Variants in ZNF600 observed in about 807,000 individuals in gnomAD.
ZNF600 encodes zinc finger protein 600.
Under a neutral mutation model 7.3 loss-of-function variants are expected in ZNF600, and 4 were observed. That is an observed-to-expected ratio of 0.55 (90% confidence interval 0.27 to 1.25). The LOEUF (loss-of-function observed/expected upper bound fraction) is 1.25. Among genes scored for constraint, ZNF600 ranks in the 50% most tolerant of loss-of-function variants. The probability of loss-of-function intolerance (pLI) is 0.12; values close to 1 mark genes in which losing one functional copy is unlikely to be tolerated. For synonymous variants in ZNF600, 290 were observed against 308.9 expected, an observed-to-expected ratio of 0.94 and a Z score of 0.64; for missense variants, 911 against 922.1, an observed-to-expected ratio of 0.99 and a Z score of 0.16.
upstream of ZNF600, among the ~76,000 whole-genome samples, chr19:52,788,569 C>G (rs1411325193): frequency 1.3e-5 from 2 of 152,150 alleles, no homozygotes; most frequent in East Asian, 3.9e-4. Context: ...TAAGAAGGTG[C>G]CACAGGAAGA....
chr19:52,808,149 A>G, the ZNF600 span: 2 of 1,611,692 alleles, frequency 1.2e-6, no homozygotes, highest in Non-Finnish European at 1.7e-6. Flanking sequence ...ATGGAAACAC[A>G]TTTTAACCAA....
chr19:52,797,002 A>C, the ZNF600 span, among the ~76,000 whole-genome samples: 288 of 152,320 alleles, frequency 1.9e-3, 4 homozygotes, highest in East Asian at 0.022. Context: ...TTGTACTAGC[A>C]AACTGTATTC....
At chr19:52,819,698 G>A in the ZNF600 span, among the ~76,000 whole-genome samples, 1 of 142,094 alleles carries the variant, frequency 7.0e-6, no homozygotes, top group East Asian at 2.0e-4. Flanking sequence ...CTAATGGGAT[G>A]GACTGGTCTT....
the ZNF600 span, among the ~76,000 whole-genome samples, chr19:52,792,514 C>T: frequency 6.6e-6 from 1 of 151,996 alleles, no homozygotes; most frequent in African/African-American, 2.4e-5. Flanking sequence ...GATCGTGCCA[C>T]TGCACTCCAG....
rs140092955 is a variant in ZNF600 at position 52,768,653 on chromosome 19, C to G, written c.191-881G>C. Among the ~76,000 whole-genome samples the G allele has an allele frequency of 2.9e-3, 441 of 152,046 alleles. 1 individual carries two copies. The highest frequency in any genetic ancestry group is 9.4e-3 in the African/African-American group (389 of 41,462). On this transcript the variant is annotated intron_variant, in intron 3 of 3. Coordinates refer to ENST00000648973, the Ensembl canonical transcript of ZNF600. ...CTCTGCCTCCTGGGTTGAAGTGATC[C>G]TCCTGCCTCATCCTCCTGAGTACCT...
chr19:52,792,974 G>A, the ZNF600 span, among the ~76,000 whole-genome samples: 1 of 151,642 alleles, frequency 6.6e-6, no homozygotes, highest in African/African-American at 2.4e-5. Context: ...CTGACCTCGT[G>A]ATCCACCCAC....
chr19:52,801,483 C>T, the ZNF600 span: 2 of 1,614,132 alleles, frequency 1.2e-6, no homozygotes, highest in African/African-American at 1.3e-5. Flanking sequence ...GCCTGTACTA[C>T]CAGTCAACTC....
the ZNF600 span, chr19:52,807,910 G>C: frequency 6.4e-7 from 1 of 1,564,290 alleles, no homozygotes. Flanking sequence ...AAATCAATAC[G>C]GCTTCCATTT....
the ZNF600 span, among the ~76,000 whole-genome samples, chr19:52,809,192 A>AG: frequency 6.6e-6 from 1 of 152,198 alleles, no homozygotes; most frequent in African/African-American, 2.4e-5. Flanking sequence ...GCCCCATCCT[A>AG]GAAGAAGCAA....
the ZNF600 span, chr19:52,799,141 G>A: frequency 2.5e-6 from 1 of 404,566 alleles, no homozygotes; most frequent in East Asian, 6.0e-5. Context: ...TGACTTGCAA[G>A]GTGTGACTGT....
chr19:52,774,786 A>T, intron 2 of ZNF600, 85 bp from the exon 5 acceptor site: 1 of 985,280 alleles, frequency 1.0e-6, no homozygotes, highest in Non-Finnish European at 1.2e-6. Context: ...GAAAATAAGT[A>T]TTTGATCAAA....
upstream of ZNF600, among the ~76,000 whole-genome samples, chr19:52,788,302 A>G (rs569616398): frequency 6.6e-6 from 1 of 152,338 alleles, no homozygotes; most frequent in Admixed American, 6.5e-5. Context: ...GAAAGGAAAG[A>G]GACAGAAGAA....
intron 1 of ZNF600, among the ~76,000 whole-genome samples, chr19:52,783,112 C>T (rs981433450): frequency 8.7e-5 from 13 of 150,022 alleles, no homozygotes; most frequent in Non-Finnish European, 1.9e-4. Context: ...AGTCACTGTC[C>T]TCTGGCTGAA....
the ZNF600 span, among the ~76,000 whole-genome samples, chr19:52,794,653 A>C: frequency 6.6e-6 from 1 of 152,140 alleles, no homozygotes; most frequent in Non-Finnish European, 1.5e-5. Flanking sequence ...CAGGAATTTG[A>C]AACCAACGTG....
the ZNF600 span, among the ~76,000 whole-genome samples, chr19:52,809,225 T>C: frequency 6.6e-6 from 1 of 152,132 alleles, no homozygotes; most frequent in African/African-American, 2.4e-5. Flanking sequence ...CTGCCTGACC[T>C]GGAGGAATGT....
exon 4 of ZNF600, chr19:52,767,334 T>A (rs761476079): frequency 6.2e-7 from 1 of 1,614,124 alleles, no homozygotes; most frequent in Non-Finnish European, 8.5e-7. Flanking sequence ...CGGGGAATTA[T>A]TCCCATAGTT....
chr19:52,827,141 AG>A, the ZNF600 span, among the ~76,000 whole-genome samples: 1 of 150,478 alleles, frequency 6.6e-6, no homozygotes, highest in African/African-American at 2.4e-5. Context: ...GCTCCTTGGG[AG>A]GGTAATGTGT....
At chr19:52,827,953 T>A in the ZNF600 span, among the ~76,000 whole-genome samples, 3 of 152,168 alleles carry the variant, frequency 2.0e-5, no homozygotes, top group African/African-American at 7.2e-5. Context: ...CTGGCTACTG[T>A]AATACCTGGC....
the ZNF600 span, among the ~76,000 whole-genome samples, chr19:52,824,617 A>G: frequency 1.3e-5 from 2 of 152,144 alleles, no homozygotes; most frequent in Non-Finnish European, 2.9e-5. Context: ...CCTGGGTGAC[A>G]TAGAGAGACT....
Sources: gnomAD v4.1 joint callset for allele counts (sites outside exome capture counted in the v4.1 genomes callset) on GRCh38, gnomAD v4.1.1 for gene constraint, MANE v1.5 for transcripts, NCBI Gene and HGNC (gene_info 2026-07-23, HGNC 2026-07-21) for gene names.